The following FAM107A variants were observed in gnomAD, a reference collection of about 807,000 sequenced individuals.
FAM107A encodes the protein actin-associated protein FAM107A.
Under a neutral mutation model 13.7 loss-of-function variants are expected in FAM107A, and 19 were observed. The observed-to-expected ratio is 1.38, with a 90% confidence interval of 0.97 to 2.03. The LOEUF (loss-of-function observed/expected upper bound fraction) is 2.03. FAM107A is among the 30% of genes most tolerant of loss of function. The pLI, the probability that FAM107A is intolerant of heterozygous loss-of-function variation, is 0.00. For synonymous variants in FAM107A, 82 were observed against 74.5 expected, an observed-to-expected ratio of 1.10 and a Z score of -0.52; for missense variants, 203 against 184.4, an observed-to-expected ratio of 1.10 and a Z score of -0.58.
chr3:58,578,609 T>TA (rs1423313813), upstream of FAM107A, among the ~76,000 whole-genome samples: 1 of 151,968 alleles, frequency 6.6e-6, no homozygotes, highest in African/African-American at 2.4e-5. Flanking sequence ...CCAAGAAAAG[T>TA]AAAAAATGTA....
intron 1 of FAM107A, among the ~76,000 whole-genome samples, chr3:58,620,661 C>T (rs560761396): frequency 6.6e-6 from 1 of 152,304 alleles, no homozygotes; most frequent in East Asian, 1.9e-4. Flanking sequence ...CCTGGGGAGA[C>T]CCAGCCAGCA....
chr3:58,590,836 C>T (rs974811530), upstream of FAM107A, among the ~76,000 whole-genome samples: 6 of 152,320 alleles, frequency 3.9e-5, no homozygotes, highest in South Asian at 8.3e-4. Context: ...CAAACCATAT[C>T]ACTCTCCTTC....
intron 1 of FAM107A, chr3:58,607,576 A>G (rs964361748): frequency 2.6e-5 from 2 of 75,962 alleles, no homozygotes; most frequent in Non-Finnish European, 5.4e-5. Flanking sequence ...ATGTGCATGT[A>G]TGTGTGTATA....
intron 1 of FAM107A, among the ~76,000 whole-genome samples, chr3:58,585,990 C>T (rs1007726292): frequency 8.5e-5 from 13 of 152,224 alleles, no homozygotes; most frequent in Non-Finnish European, 1.6e-4. Context: ...ATCCAACCCC[C>T]AACCTTAAGA....
At chr3:58,570,611 GAGAGAGAGAGAGAGAGA>G in intron 1 of FAM107A, among the ~76,000 whole-genome samples, 2 of 146,976 alleles carry the variant, frequency 1.4e-5, no homozygotes, top group East Asian at 4.2e-4. Context: ...GAGAGAGAGA[GAGAGAGAGAGAGAGAGA>G]GAGAGAGAAA....
chr3:58,597,795 G>A (rs1173143047), intron 1 of FAM107A, among the ~76,000 whole-genome samples: 1 of 152,110 alleles, frequency 6.6e-6, no homozygotes, highest in Non-Finnish European at 1.5e-5. Context: ...TGAGGCCTTC[G>A]GCAGGTTAAG....
At chr3:58,621,174 G>A (rs181818260) in intron 1 of FAM107A, among the ~76,000 whole-genome samples, 2 of 152,294 alleles carry the variant, frequency 1.3e-5, no homozygotes, top group East Asian at 3.9e-4. Context: ...AGTAAAAGGG[G>A]AGCCCGGAAC....
Position 58,567,312 on chromosome 3 carries a change from G to A in FAM107A, c.223C>T (p.Arg75Trp), listed in dbSNP as rs11539082. 6.1e-4 allele frequency: 991 copies of A among 1,612,764 alleles called. 3 individuals carry two copies. In the African/African-American group the frequency reaches 0.012, roughly 20 times the overall value. Residue 75 changes from arginine (R) to tryptophan (W), a missense_variant, in exon 3 of 4, where the codon CGG becomes TGG. Coordinates refer to ENST00000360997, the MANE Select transcript of FAM107A (RefSeq NM_001076778.3). ...TTCTTCTTGATGAGCTGGTTCCGCC[G>A]GCGGTGCTCTAGGACACGCTGCAGC... ...PELQRVLEHR[R>W]RNQLIKKKKE... is the part of the protein sequence containing the mutation.
chr3:58,622,714 G>A (rs1294993130), intron 1 of FAM107A, among the ~76,000 whole-genome samples: 1 of 152,192 alleles, frequency 6.6e-6, no homozygotes, highest in East Asian at 1.9e-4. Flanking sequence ...AGAAAAGGTG[G>A]AGAGGCTGGA....
intron 1 of FAM107A, among the ~76,000 whole-genome samples, chr3:58,625,276 G>A (rs1397600241): frequency 1.3e-5 from 2 of 152,066 alleles, no homozygotes; most frequent in African/African-American, 2.4e-5. Flanking sequence ...GATAACCTCC[G>A]TTATCCTAAT....
intron 1 of FAM107A, chr3:58,627,201 C>T (rs1469465324): frequency 1.7e-6 from 1 of 578,586 alleles, no homozygotes; most frequent in Non-Finnish European, 3.1e-6. Context: ...GGCGATTGAT[C>T]CTGACAGAGG....
At position 58,577,364 on chromosome 3, in the gene FAM107A, C is replaced by T. The variant is rs762919931; in HGVS notation, c.-61G>A. On this transcript the variant is annotated 5_prime_UTR_variant, in exon 1 of 4. It adds an upstream start codon to the 5' untranslated region. Transcript: ENST00000360997. The surrounding 1 kb of genome is among the most constrained non-coding windows in gnomAD (Gnocchi z 4.9). Reference sequence around the variant, plus strand: ...CAGGAGCGTGTTGCTGGGTTCCTCACTCCACCGGGAAGTCCCAGACTAGCA... The same window carrying T: ...CAGGAGCGTGTTGCTGGGTTCCTCATTCCACCGGGAAGTCCCAGACTAGCA... 4.1e-5 allele frequency: 40 copies of T among 985,364 alleles called. No homozygotes were observed. Among genetic ancestry groups the T allele is most frequent in the Non-Finnish European group, 4.7e-5 (39 of 829,980 alleles). The allele number at this position is 985,364 out of a possible 1,614,324, so 61.0% of individuals were successfully genotyped here.
chr3:58,577,579 A>C, upstream of FAM107A: 1 of 985,468 alleles, frequency 1.0e-6, no homozygotes, highest in Non-Finnish European at 1.2e-6. The surrounding 1 kb of genome is among the most constrained non-coding windows in gnomAD (Gnocchi z 4.9). Context: ...TGTCCAAGCC[A>C]CACGCTTGAG....
rs374440043 is a variant in FAM107A, at chr3:58,586,911, G to A, written c.26C>T (p.Ala9Val). 196 of 1,532,676 alleles carry A rather than the reference G, an allele frequency of 1.3e-4. 2 individuals carry two copies. The African/African-American group carries it at 2.1e-3, about 16-fold the overall frequency. 94.9% of individuals were successfully genotyped at this position (1,532,676 alleles called of 1,614,324 possible). The change falls in exon 1 of 4, where the codon GCC (alanine) becomes GTC (valine). Residue 9 changes from alanine (A) to valine (V), a missense_variant. Transcript: ENST00000447756. ...CCCGGTGGCATCGGAGGGCCCCCGGGCCCACTCGCCCAGCCTCTGCGCCAT... is the reference window on the plus strand; with the variant it reads ...CCCGGTGGCATCGGAGGGCCCCCGGACCCACTCGCCCAGCCTCTGCGCCAT...
rs190576938 is a variant in FAM107A at position 58,610,333 on chromosome 3, G to A, written c.-70+17083C>T. On this transcript the variant is annotated intron_variant, in intron 1 of 3. Coordinates refer to the FAM107A transcript ENST00000465970. ...AAGTGGCATCCCAGGTTTGTCTCAT[G>A]CCGGACCCCTTACCCCCATCCATGA... Among the ~76,000 whole-genome samples the A allele has an allele frequency of 3.1e-3, 467 of 152,296 alleles. 2 individuals carry two copies. Among genetic ancestry groups the A allele is most frequent in the Non-Finnish European group, 5.1e-3 (349 of 68,010 alleles).
At chr3:58,599,028 G>T (rs771041183) in intron 1 of FAM107A, among the ~76,000 whole-genome samples, 1 of 151,804 alleles carries the variant, frequency 6.6e-6, no homozygotes. Context: ...TGTGACCTCC[G>T]CCTCCCAGGT....
Position 58,604,214 on chromosome 3 carries a change from G to C in FAM107A, c.-69-14945C>G, listed in dbSNP as rs570066986. 6.6e-6 allele frequency among the ~76,000 whole-genome samples: 1 copy of C among 152,022 alleles called. No homozygotes were observed. Among genetic ancestry groups the C allele is most frequent in the African/African-American group, 2.4e-5 (1 of 41,376 alleles). ...TTGCTAGGAGACATTTCTCAAGAAA[G>C]GTTCCTTTGGAAAATGAGCTCAGTC... On this transcript the variant is annotated intron_variant, in intron 1 of 3. Coordinates refer to the FAM107A transcript ENST00000465970. The surrounding 1 kb of genome is among the most constrained non-coding windows in gnomAD (Gnocchi z 4.1).
At position 58,567,200 on chromosome 3, in the gene FAM107A, T is replaced by G. The variant is rs751129374; in HGVS notation, c.327+8A>C. The G allele has an allele frequency of 6.2e-7, 1 of 1,614,104 alleles. No individual in the cohort carries two copies. Among genetic ancestry groups the G allele is most frequent in the South Asian group, 1.1e-5 (1 of 91,086 alleles). On this transcript the variant is annotated splice_region_variant and intron_variant, in intron 3 of 3. Coordinates refer to ENST00000360997, the MANE Select transcript of FAM107A (RefSeq NM_001076778.3). Reference sequence around the variant, plus strand: ...ATGCGTGGTCCCTGCTGGGTGCCCATCACCCACCTGGTTCAGCCTCTGCTG... The same window carrying G: ...ATGCGTGGTCCCTGCTGGGTGCCCAGCACCCACCTGGTTCAGCCTCTGCTG...
chr3:58,600,589 G>T (rs1021630206), intron 1 of FAM107A, among the ~76,000 whole-genome samples: 1 of 152,212 alleles, frequency 6.6e-6, no homozygotes, highest in Non-Finnish European at 1.5e-5. Context: ...CAGGGAATTC[G>T]ATAGAATGTT....
Sources: gnomAD v4.1 joint callset for allele counts (sites outside exome capture counted in the v4.1 genomes callset) on GRCh38, gnomAD v4.1.1 for gene constraint, Gnocchi (gnomAD v3.1) non-coding constraint, MANE v1.5 for transcripts, NCBI Gene and HGNC (gene_info 2026-07-23, HGNC 2026-07-21) for gene names.